ABCC8: variants seen among roughly 807,000 people sequenced by gnomAD.
ABCC8 encodes the protein ATP-binding cassette sub-family C member 8.
A neutral mutation model predicts 188.0 loss-of-function variants in ABCC8; 137 were observed. The observed-to-expected ratio is 0.73, with a 90% CI of 0.63 to 0.84. ABCC8 has a LOEUF of 0.84. Ranked by LOEUF, ABCC8 falls within the 40% of genes least tolerant of loss-of-function variation. The pLI, the probability that ABCC8 is intolerant of heterozygous loss-of-function variation, is 0.00. For synonymous variants in ABCC8, 797 were observed against 846.5 expected, an observed-to-expected ratio of 0.94 and a Z score of 1.01; for missense variants, 1,750 against 2,072.7, an observed-to-expected ratio of 0.84 and a Z score of 3.02.
chr11:17,410,634 A>G lies in ABCC8; in HGVS notation c.2576T>C (p.Leu859Pro). The G allele has an allele frequency of 6.2e-7, 1 of 1,614,082 alleles. No homozygotes were observed. The highest frequency in any genetic ancestry group is 8.5e-7 in the Non-Finnish European group (1 of 1,179,946). Residue 859 changes from leucine to proline, a missense_variant, in exon 22 of 39, where the codon CTG (leucine) becomes CCG (proline). By Grantham distance (98) the Leu-to-Pro change is moderately conservative. Transcript: ENST00000389817. ...VVFLDDPFSA[L>P]DIHLSDHLMQ... ...TAAGTGGTCACTCAGATGGATATCC[A>G]GAGCTGAGAAGGGGTCATCCTGGGC...
chr11:17,441,357 C>T (rs556753930), intron 10 of ABCC8, among the ~76,000 whole-genome samples: 1 of 152,186 alleles, frequency 6.6e-6, no homozygotes, highest in Non-Finnish European at 1.5e-5. Flanking sequence ...CCCCTCTGGC[C>T]TTAATTTCCC....
chr11:17,416,857 C>A, intron 17 of ABCC8, 73 bp downstream of exon 17: 1 of 1,586,994 alleles, frequency 6.3e-7, no homozygotes, highest in South Asian at 1.1e-5. Context: ...ATTACCCACC[C>A]ACAAGTCCTC....
At chr11:17,461,181 C>A (rs1957175484) in intron 5 of ABCC8, 1 of 351,118 alleles carries the variant, frequency 2.8e-6, no homozygotes, top group Admixed American at 4.2e-5. Flanking sequence ...TGGCTCAACT[C>A]ATAGAGTTAC....
rs764055306 is a variant in ABCC8, at chr11:17,408,388, C to T, written c.2820+4G>A. Reference sequence around the variant, plus strand: ...GCTGCTTGGCCATCCCTGGATATACCCACCTTCTCCAGCTCTTGGTCCTGT... The same window carrying T: ...GCTGCTTGGCCATCCCTGGATATACTCACCTTCTCCAGCTCTTGGTCCTGT... On this transcript the variant is annotated splice_donor_region_variant and intron_variant, in intron 23 of 38. Transcript: ENST00000389817. The T allele has an allele frequency of 3.7e-6, 6 of 1,613,086 alleles. No homozygotes were observed. Among genetic ancestry groups the T allele is most frequent in the East Asian group, 4.5e-5 (2 of 44,854 alleles).
chr11:17,422,587 T>C (rs2237988), intron 16 of ABCC8, among the ~76,000 whole-genome samples: 123,827 of 152,186 alleles, frequency 0.81, 51,005 homozygotes, highest in African/African-American at 0.94. Context: ...CCTCTCTTCT[T>C]GATCAATACT....
chr11:17,395,454 C>A, intron 35 of ABCC8, 156 bp downstream of exon 35: 1 of 1,467,564 alleles, frequency 6.8e-7, no homozygotes, highest in Non-Finnish European at 9.1e-7. Flanking sequence ...GGATCCCCTT[C>A]CAGAGGCTGC....
chr11:17,404,421 G>T lies in ABCC8; in HGVS notation c.3557+91C>A. 2 of 1,318,060 alleles carry T rather than the reference G, an allele frequency of 1.5e-6. No homozygotes were observed. The highest frequency in any genetic ancestry group is 1.2e-5 in the South Asian group (1 of 84,430). 81.6% of individuals were successfully genotyped at this position (1,318,060 alleles called of 1,614,324 possible). ...TGTTTTTATTTTTTGGAGGGAACAC[G>T]ACCCTATTACTCTCATAACGATGAG... On this transcript the variant is annotated intron_variant, in intron 28 of 38. Transcript: ENST00000389817. This position sits in a 1 kb window ranked among gnomAD's most constrained non-coding sequence, Gnocchi z 4.7.
chr11:17,467,433 C>A (rs1430343078), intron 3 of ABCC8, among the ~76,000 whole-genome samples: 1 of 152,188 alleles, frequency 6.6e-6, no homozygotes, highest in Non-Finnish European at 1.5e-5. Flanking sequence ...CTCCCCTCCA[C>A]TTTGCACCCA....
intron 10 of ABCC8, among the ~76,000 whole-genome samples, chr11:17,441,655 G>C (rs937540429): frequency 6.6e-6 from 1 of 152,096 alleles, no homozygotes; most frequent in Non-Finnish European, 1.5e-5. Flanking sequence ...ATGGGTCCAC[G>C]GAGCCACGAG....
chr11:17,476,611 C>G lies in ABCC8; in HGVS notation c.148+18G>C. On this transcript the variant is annotated intron_variant, in intron 1 of 38. Coordinates refer to ENST00000389817, the MANE Select transcript of ABCC8 (RefSeq NM_000352.6). ...TGCTCTCCCGTCCCCTCCTCCGCGG[C>G]TCGCTGCGCGCACTCACCAATGAAG... is the stretch of plus-strand genomic sequence containing the variant. 1.2e-6 allele frequency: 2 copies of G among 1,609,346 alleles called. No homozygotes were observed. The highest frequency in any genetic ancestry group is 1.7e-6 in the Non-Finnish European group (2 of 1,178,072).
chr11:17,410,485 C>T (rs770400077), intron 22 of ABCC8, 31 bp downstream of exon 22: 2 of 1,613,200 alleles, frequency 1.2e-6, no homozygotes, highest in South Asian at 1.1e-5. Context: ...AGCCCTGCCC[C>T]CTATAGCCTG....
At chr11:17,459,599 G>C (rs1343214585) in intron 6 of ABCC8, among the ~76,000 whole-genome samples, 1 of 152,156 alleles carries the variant, frequency 6.6e-6, no homozygotes, top group Non-Finnish European at 1.5e-5. Flanking sequence ...CCCATTCTCT[G>C]CATTATTTTC....
intron 10 of ABCC8, among the ~76,000 whole-genome samples, chr11:17,438,291 T>C (rs1956184761): frequency 6.6e-6 from 1 of 151,876 alleles, no homozygotes; most frequent in Non-Finnish European, 1.5e-5. Flanking sequence ...TTAAAAAAAA[T>C]GAATGGAAGA....
At chr11:17,413,739 G>A (rs571448665) in intron 19 of ABCC8, among the ~76,000 whole-genome samples, 9 of 152,188 alleles carry the variant, frequency 5.9e-5, no homozygotes, top group Non-Finnish European at 1.3e-4. Flanking sequence ...ATGAAAGGGC[G>A]CTCATGATCT....
Position 17,436,094 on chromosome 11 carries a change from A to G in ABCC8, c.1631-3850T>C, listed in dbSNP as rs1956084855. ...ATCTCTTCTTTGGCTGTGATTCCCAAAGGAACAGCATTTCTGGTACAGAGC... is the reference window on the plus strand; with the variant it reads ...ATCTCTTCTTTGGCTGTGATTCCCAGAGGAACAGCATTTCTGGTACAGAGC... On this transcript the variant is annotated intron_variant, in intron 10 of 38. Transcript: ENST00000389817. The G allele has an allele frequency of 8.2e-6, 7 of 850,010 alleles. No individual in the cohort carries two copies. In the South Asian group the frequency reaches 9.2e-5, roughly 11 times the overall value. The allele number at this position is 850,010 out of a possible 1,614,324, so 52.7% of individuals were successfully genotyped here. A position where few individuals can be genotyped will look rare whatever the true frequency, so the allele number is the denominator to read the frequency against.
In ABCC8 at chr11:17,404,782, G is replaced by T; in HGVS notation, c.3400-113C>A. Reference sequence around the variant, plus strand: ...TTATTTTTTGATCCTTTATTTTTTTGAGACTGAGTCTCACTGTTGCCCAGA... The same window carrying T: ...TTATTTTTTGATCCTTTATTTTTTTTAGACTGAGTCTCACTGTTGCCCAGA... On this transcript the variant is annotated intron_variant, in intron 27 of 38. Transcript: ENST00000389817. This position sits in a 1 kb window ranked among gnomAD's most constrained non-coding sequence, Gnocchi z 4.7. 1 of 1,475,632 alleles carries T rather than the reference G, an allele frequency of 6.8e-7. No individual in the cohort carries two copies. Among genetic ancestry groups the T allele is most frequent in the Non-Finnish European group, 9.2e-7 (1 of 1,087,740 alleles). The allele number at this position is 1,475,632 out of a possible 1,614,324, so 91.4% of individuals were successfully genotyped here.
chr11:17,455,511 T>C (rs1383110813), intron 6 of ABCC8, among the ~76,000 whole-genome samples: 1 of 152,196 alleles, frequency 6.6e-6, no homozygotes, highest in Non-Finnish European at 1.5e-5. Flanking sequence ...TCTACTTTTG[T>C]GGATTGAGAA....
chr11:17,412,373 A>AT (rs1276200523), intron 21 of ABCC8, among the ~76,000 whole-genome samples: 1 of 152,228 alleles, frequency 6.6e-6, no homozygotes, highest in African/African-American at 2.4e-5. Flanking sequence ...GTCGGGCTGC[A>AT]TAAGTGTTGA....
chr11:17,408,491 G>A lies in ABCC8; in HGVS notation c.2721C>T (p.Ile907=). The A allele has an allele frequency of 6.2e-7, 1 of 1,613,332 alleles. No individual in the cohort carries two copies. Among genetic ancestry groups the A allele is most frequent in the Non-Finnish European group, 8.5e-7 (1 of 1,179,976 alleles). Residue 907 remains isoleucine, a synonymous_variant, in exon 23 of 39, where the codon ATC becomes ATT. Transcript: ENST00000389817. ...DWIIAMKDGT[I]QREGTLKDFQ... Reference sequence around the variant, plus strand: ...AGTCCTTGAGGGTACCCTCCCTCTGGATGGTGCCATCCTTCATGGCAATGA... The same window carrying A: ...AGTCCTTGAGGGTACCCTCCCTCTGAATGGTGCCATCCTTCATGGCAATGA...
Sources: allele counts gnomAD v4.1 joint callset (sites outside exome capture counted in the v4.1 genomes callset), GRCh38; gene constraint gnomAD v4.1.1; non-coding constraint Gnocchi (gnomAD v3.1); transcripts MANE v1.5; gene names NCBI Gene and HGNC (gene_info 2026-07-23, HGNC 2026-07-21).